The following RORA variants were observed in gnomAD, a reference collection of about 807,000 sequenced individuals.
The protein encoded by RORA is RAR related orphan receptor A, also known as nuclear receptor ROR-alpha.
In RORA, 7 loss-of-function variants were observed where a neutral mutation model predicts 69.5. That is an observed-to-expected ratio of 0.10 (90% CI 0.06 to 0.19). The LOEUF (loss-of-function observed/expected upper bound fraction) is 0.19, where lower values mean the gene tolerates loss of function less well. Ranked by LOEUF, RORA falls within the 10% of genes least tolerant of loss-of-function variation. The pLI, the probability that RORA is intolerant of heterozygous loss-of-function variation, is 1.00. For synonymous variants in RORA, 261 were observed against 240.8 expected, an observed-to-expected ratio of 1.08 and a Z score of -0.78; for missense variants, 457 against 663.0, an observed-to-expected ratio of 0.69 and a Z score of 3.41.
intron 1 of RORA, among the ~76,000 whole-genome samples, chr15:61,206,538 T>C (rs970160918): frequency 4.6e-5 from 7 of 152,196 alleles, no homozygotes; most frequent in Admixed American, 1.3e-4. Context: ...TCAACTATGA[T>C]AATACCATAA....
intron 1 of RORA, among the ~76,000 whole-genome samples, chr15:60,813,348 T>G (rs2072768983): frequency 6.6e-6 from 1 of 152,254 alleles, no homozygotes; most frequent in Non-Finnish European, 1.5e-5. Flanking sequence ...AACACCTTTC[T>G]GTATCTTCAT....
At chr15:60,808,489 G>T (rs1304093900) in intron 1 of RORA, among the ~76,000 whole-genome samples, 1 of 152,034 alleles carries the variant, frequency 6.6e-6, no homozygotes, top group Non-Finnish European at 1.5e-5. Context: ...CAACCACTAT[G>T]GAAAACTGGG....
chr15:61,070,597 T>C (rs1210717874), intron 1 of RORA, among the ~76,000 whole-genome samples: 1 of 152,250 alleles, frequency 6.6e-6, no homozygotes, highest in African/African-American at 2.4e-5. Context: ...CAAACATTTA[T>C]TGAATGTCTA....
intron 1 of RORA, among the ~76,000 whole-genome samples, chr15:60,754,971 G>A (rs1247485209): frequency 1.3e-5 from 2 of 148,208 alleles, no homozygotes; most frequent in Admixed American, 6.8e-5. Context: ...TCTTGAAGAT[G>A]AGAGCTGAGT....
chr15:60,793,979 T>C (rs574573564), intron 1 of RORA, among the ~76,000 whole-genome samples: 5 of 152,322 alleles, frequency 3.3e-5, no homozygotes, highest in African/African-American at 1.2e-4. Flanking sequence ...ACGGGTTCTT[T>C]GAGGACCTGG....
chr15:61,135,482 T>A (rs538807743), intron 1 of RORA, among the ~76,000 whole-genome samples: 279 of 150,872 alleles, frequency 1.8e-3, no homozygotes, highest in Admixed American at 3.8e-3. Flanking sequence ...CTATTTTGTT[T>A]CCCAAAGTGT....
chr15:60,748,370 G>T (rs1309967878), intron 1 of RORA, among the ~76,000 whole-genome samples: 1 of 151,006 alleles, frequency 6.6e-6, no homozygotes, highest in Non-Finnish European at 1.5e-5. Flanking sequence ...CAGACATAGG[G>T]ATTATTTTGT....
intron 1 of RORA, among the ~76,000 whole-genome samples, chr15:60,684,262 C>T (rs115584020): frequency 0.016 from 2,314 of 141,220 alleles, 68 homozygotes; most frequent in South Asian, 0.079. Context: ...TCTTTTGCAA[C>T]GAGAAAACAA....
intron 1 of RORA, among the ~76,000 whole-genome samples, chr15:60,850,990 G>A (rs766094974): frequency 5.9e-5 from 9 of 152,092 alleles, no homozygotes; most frequent in Non-Finnish European, 8.8e-5. Flanking sequence ...CAAAGCACCG[G>A]AGCACATTTC....
At chr15:60,897,560 C>T (rs1891263431) in intron 1 of RORA, among the ~76,000 whole-genome samples, 1 of 152,222 alleles carries the variant, frequency 6.6e-6, no homozygotes, top group Non-Finnish European at 1.5e-5. Flanking sequence ...TCTGATTTAC[C>T]CTTGCTCAGG....
chr15:61,027,629 A>G (rs538722421), intron 1 of RORA, among the ~76,000 whole-genome samples: 1 of 152,310 alleles, frequency 6.6e-6, no homozygotes, highest in Non-Finnish European at 1.5e-5. Flanking sequence ...GCTCTGTTAC[A>G]ACAAGTATGC....
At chr15:60,902,595 C>A (rs992701387) in intron 1 of RORA, among the ~76,000 whole-genome samples, 1 of 152,168 alleles carries the variant, frequency 6.6e-6, no homozygotes, top group Admixed American at 6.5e-5. Context: ...GTCTACATAG[C>A]TGAAAGATGA....
At chr15:60,542,749 C>CGGCACAT in intron 2 of RORA, among the ~76,000 whole-genome samples, 1 of 151,750 alleles carries the variant, frequency 6.6e-6, no homozygotes, top group African/African-American at 2.4e-5. Flanking sequence ...AAACGACACA[C>CGGCACAT]GGGCACACCT....
intron 1 of RORA, among the ~76,000 whole-genome samples, chr15:60,926,497 A>C (rs1366961498): frequency 6.6e-6 from 1 of 152,258 alleles, no homozygotes; most frequent in Non-Finnish European, 1.5e-5. Context: ...CCAGTGAAAC[A>C]GAACATCGAA....
At chr15:60,897,771 G>A (rs1463225264) in intron 1 of RORA, among the ~76,000 whole-genome samples, 2 of 152,242 alleles carry the variant, frequency 1.3e-5, no homozygotes, top group African/African-American at 4.8e-5. Context: ...CATGTGCAGT[G>A]TGAAAATTTA....
At chr15:61,141,945 T>C (rs1399937859) in intron 1 of RORA, among the ~76,000 whole-genome samples, 2 of 152,048 alleles carry the variant, frequency 1.3e-5, no homozygotes, top group African/African-American at 4.8e-5. Flanking sequence ...AGGTGAGTGC[T>C]TCCAGGTGGC....
chr15:60,817,268 C>T (rs1035606044), intron 1 of RORA, among the ~76,000 whole-genome samples: 3 of 152,126 alleles, frequency 2.0e-5, no homozygotes, highest in African/African-American at 7.2e-5. Flanking sequence ...CTCAGTGCAT[C>T]GAAAAGTTAT....
intron 1 of RORA, among the ~76,000 whole-genome samples, chr15:60,919,060 A>T (rs1399279122): frequency 1.3e-5 from 2 of 152,198 alleles, no homozygotes; most frequent in Admixed American, 6.5e-5. Flanking sequence ...TGCGGCTTAT[A>T]TAATATGCAC....
intron 1 of RORA, among the ~76,000 whole-genome samples, chr15:60,726,259 G>A (rs967079542): frequency 1.3e-5 from 2 of 152,106 alleles, no homozygotes; most frequent in African/African-American, 2.4e-5. Context: ...AGCTCAGAAT[G>A]AAGGAAATGA....
Sources: gnomAD v4.1 joint callset for allele counts (sites outside exome capture counted in the v4.1 genomes callset) on GRCh38, gnomAD v4.1.1 for gene constraint, MANE v1.5 for transcripts, NCBI Gene and HGNC (gene_info 2026-07-23, HGNC 2026-07-21) for gene names.